ARHGAP20: variants seen among roughly 807,000 people sequenced by gnomAD.
ARHGAP20 encodes the protein Rho GTPase activating protein 20.
Under a neutral mutation model 73.7 loss-of-function variants are expected in ARHGAP20, and 34 were observed. The observed-to-expected ratio is 0.46, with a 90% CI of 0.35 to 0.61. The LOEUF is 0.61. Among genes scored for constraint, ARHGAP20 ranks in the 20% least tolerant of loss-of-function variants. The pLI, the probability that ARHGAP20 is intolerant of heterozygous loss-of-function variation, is 0.00. For synonymous variants in ARHGAP20, 523 were observed against 518.2 expected (o/e 1.01, Z -0.13); for missense variants, 1,314 against 1,420.9 (o/e 0.92, Z 1.21).
At chr11:110,582,167 A>C (rs763971909) in intron 14 of ARHGAP20, among the ~76,000 whole-genome samples, 154 bp downstream of exon 14, 1 of 152,210 alleles carries the variant, frequency 6.6e-6, no homozygotes, top group Non-Finnish European at 1.5e-5. Flanking sequence ...AGGCCATCTA[A>C]GGAAGGATCA....
At chr11:110,643,312 T>C (rs1355027304) in intron 2 of ARHGAP20, among the ~76,000 whole-genome samples, 1 of 152,092 alleles carries the variant, frequency 6.6e-6, no homozygotes, top group Non-Finnish European at 1.5e-5. Flanking sequence ...TCTGTTAGCT[T>C]TGGGATTGCT....
chr11:110,700,442 G>A (rs894082354), intron 1 of ARHGAP20, among the ~76,000 whole-genome samples: 12 of 151,948 alleles, frequency 7.9e-5, no homozygotes, highest in South Asian at 6.2e-4. Context: ...GTGCAATTTC[G>A]TGAGCATTAA....
chr11:110,675,732 C>T (rs1425221488), intron 2 of ARHGAP20, among the ~76,000 whole-genome samples: 1 of 152,140 alleles, frequency 6.6e-6, no homozygotes, highest in East Asian at 1.9e-4. Flanking sequence ...GTCTGTGGCC[C>T]GGGGACTGGG....
chr11:110,691,078 T>G, intron 1 of ARHGAP20: 2 of 1,249,928 alleles, frequency 1.6e-6, no homozygotes, highest in Middle Eastern at 1.9e-4. Flanking sequence ...AAAAAACAGT[T>G]AAAGCAAAAG....
At chr11:110,706,187 C>A (rs767941615) in intron 1 of ARHGAP20, among the ~76,000 whole-genome samples, 3 of 152,080 alleles carry the variant, frequency 2.0e-5, no homozygotes, top group Non-Finnish European at 2.9e-5. Context: ...ATAATTTAAA[C>A]CTACTCTCCC....
chr11:110,687,035 C>CACATATATATATATATATATAT (rs1840141601), intron 2 of ARHGAP20, among the ~76,000 whole-genome samples: 1 of 121,998 alleles, frequency 8.2e-6, no homozygotes, highest in Non-Finnish European at 1.7e-5. Flanking sequence ...AAGATTAAAA[C>CACATATATATATATATATATAT]ATATATATAT....
intron 4 of ARHGAP20, among the ~76,000 whole-genome samples, chr11:110,620,446 T>C (rs965873886): frequency 6.6e-6 from 1 of 152,208 alleles, no homozygotes; most frequent in Non-Finnish European, 1.5e-5. Flanking sequence ...TCACTGTGTC[T>C]GGCTACATTT....
In ARHGAP20 at chr11:110,690,524, G is replaced by A. The variant is rs764668900; in HGVS notation, c.188+23C>T. On this transcript the variant is annotated intron_variant, in intron 2 of 14. Transcript: ENST00000683387. ...AAACTTCCAAGCACATACTGAATGT[G>A]TAATACAAAGCTTTGCACTTACCTG... The A allele has an allele frequency of 1.2e-5, 19 of 1,596,196 alleles. No individual in the cohort carries two copies. The Admixed American group carries it at 2.7e-4, about 22-fold the overall frequency.
chr11:110,634,824 C>T (rs531928359), intron 2 of ARHGAP20, among the ~76,000 whole-genome samples: 14 of 152,058 alleles, frequency 9.2e-5, no homozygotes, highest in African/African-American at 3.4e-4. Flanking sequence ...CACTCCAATC[C>T]TAAAATATAG....
In ARHGAP20 at chr11:110,580,921, C is replaced by T. The variant is rs45515099; in HGVS notation, c.2025G>A (p.Arg675=). 1,522 of 1,613,794 alleles carry T rather than the reference C, an allele frequency of 9.4e-4. 6 individuals carry two copies. Among genetic ancestry groups the T allele is most frequent in the Middle Eastern group, 2.0e-3 (12 of 6,060 alleles). Residue 675 remains arginine (R), a synonymous_variant, in exon 15 of 15, where the codon AGG becomes AGA. Transcript: ENST00000683387. ...TGGGTGTGCACATGGCAGATGGGGC[C>T]CTGGCATGATCCCGCAGTGGGATCT... is the stretch of plus-strand genomic sequence containing the variant. The part of the protein sequence containing the change: ...YTKIPLRDHA[R]APSAMCTPSY...
chr11:110,709,134 T>A (rs1372557752), intron 1 of ARHGAP20, among the ~76,000 whole-genome samples: 1 of 152,206 alleles, frequency 6.6e-6, no homozygotes, highest in Non-Finnish European at 1.5e-5. Flanking sequence ...TGCCCATTCA[T>A]TTCTTCATTG....
At chr11:110,686,588 A>C in intron 2 of ARHGAP20, among the ~76,000 whole-genome samples, 1 of 152,190 alleles carries the variant, frequency 6.6e-6, no homozygotes, top group Non-Finnish European at 1.5e-5. Flanking sequence ...TCAACATAAA[A>C]GCATTCTTTT....
At chr11:110,618,748 G>A (rs1948548505) in intron 4 of ARHGAP20, among the ~76,000 whole-genome samples, 1 of 132,438 alleles carries the variant, frequency 7.6e-6, no homozygotes, top group African/African-American at 2.9e-5. Context: ...TAGAGTATAT[G>A]CAGTGATAGC....
intron 9 of ARHGAP20, among the ~76,000 whole-genome samples, chr11:110,602,259 C>T (rs775067531): frequency 2.6e-5 from 4 of 151,664 alleles, no homozygotes; most frequent in Non-Finnish European, 5.9e-5. Context: ...AAACAATAAA[C>T]GAAAAGTGGA....
chr11:110,642,192 C>T (rs368580954), intron 2 of ARHGAP20, among the ~76,000 whole-genome samples: 9 of 152,152 alleles, frequency 5.9e-5, no homozygotes, highest in African/African-American at 1.2e-4. Flanking sequence ...AGCCTTTTGG[C>T]GAGTCTTTAG....
intron 2 of ARHGAP20, among the ~76,000 whole-genome samples, chr11:110,667,707 A>G (rs1034478242): frequency 1.3e-5 from 2 of 152,208 alleles, no homozygotes; most frequent in African/African-American, 4.8e-5. Context: ...TCTAGATAGC[A>G]TTAAGAACAT....
Position 110,577,439 on chromosome 11 carries a change from A to C in ARHGAP20, c.*1931T>G. The C allele has an allele frequency of 2.8e-6, 3 of 1,090,318 alleles. No homozygotes were observed. The highest frequency in any genetic ancestry group is 3.3e-6 in the Non-Finnish European group (3 of 898,758). The allele number at this position is 1,090,318 out of a possible 1,614,324, so 67.5% of individuals were successfully genotyped here. ...AGCAACTATTTTCTTCTATGCTTCA[A>C]ATTGGGTGAATGATTTTTTACCTGC... On this transcript the variant is annotated 3_prime_UTR_variant, in exon 15 of 15. Transcript: ENST00000683387.
intron 2 of ARHGAP20, among the ~76,000 whole-genome samples, chr11:110,632,168 CTA>C (rs1948872824): frequency 6.6e-6 from 1 of 152,028 alleles, no homozygotes; most frequent in South Asian, 2.1e-4. Flanking sequence ...CTTTTTGTAT[CTA>C]TGTTTTCATT....
chr11:110,599,352 C>T lies in ARHGAP20; in HGVS notation c.965-7197G>A, dbSNP rs561159218. Among the ~76,000 whole-genome samples, 3 of 152,324 alleles carry T rather than the reference C, an allele frequency of 2.0e-5. No homozygotes were observed. The East Asian group carries it at 5.8e-4, about 29-fold the overall frequency. On this transcript the variant is annotated intron_variant, in intron 9 of 14. Coordinates refer to ENST00000683387, the MANE Select transcript of ARHGAP20 (RefSeq NM_001384657.1). ...GCAGCCCAACCAGGTTGTGCAAACA[C>T]TTGGGGCAGTGCTGACATGCCAGCC...
Sources: gnomAD v4.1 joint callset for allele counts (sites outside exome capture counted in the v4.1 genomes callset) on GRCh38, gnomAD v4.1.1 for gene constraint, MANE v1.5 for transcripts, NCBI Gene and HGNC (gene_info 2026-07-23, HGNC 2026-07-21) for gene names.